CTNNA3: variants seen among roughly 807,000 people sequenced by gnomAD.
CTNNA3 encodes catenin alpha 3, also known as catenin alpha-3.
In CTNNA3, 76 loss-of-function variants were observed where a neutral mutation model predicts 95.7. The ratio of observed to expected loss-of-function variants is 0.79; its 90% CI spans 0.66 to 0.96. The LOEUF (loss-of-function observed/expected upper bound fraction) is 0.96. Ranked by LOEUF, CTNNA3 falls within the 40% of genes least tolerant of loss-of-function variation. CTNNA3 has a pLI of 0.00. For synonymous variants in CTNNA3, 431 were observed against 374.4 expected (o/e 1.15, Z -1.74); for missense variants, 1,191 against 1,089.8 (o/e 1.09, Z -1.31).
chr10:66,926,821 T>C, intron 7 of CTNNA3: 1 of 1,101,868 alleles, frequency 9.1e-7, no homozygotes, highest in African/African-American at 1.6e-5. Flanking sequence ...GTTATTTAGA[T>C]TTAAATTTTT....
intron 5 of CTNNA3, among the ~76,000 whole-genome samples, chr10:67,290,677 A>C (rs1482994915): frequency 6.6e-6 from 1 of 152,198 alleles, no homozygotes; most frequent in African/African-American, 2.4e-5. Context: ...GGATAACCAG[A>C]TCTTTGACTC....
chr10:66,411,563 T>C (rs536117824), intron 11 of CTNNA3, among the ~76,000 whole-genome samples: 2 of 152,144 alleles, frequency 1.3e-5, no homozygotes, highest in Non-Finnish European at 2.9e-5. Flanking sequence ...AGGTTTACCA[T>C]TGGATAAAGA....
At chr10:66,936,461 T>G (rs1039330989) in intron 7 of CTNNA3, among the ~76,000 whole-genome samples, 1 of 152,104 alleles carries the variant, frequency 6.6e-6, no homozygotes, top group Non-Finnish European at 1.5e-5. Flanking sequence ...TTTCCTGGTG[T>G]TTTTTTGTTT....
intron 7 of CTNNA3, among the ~76,000 whole-genome samples, chr10:66,962,422 T>TA (rs1198776183): frequency 6.6e-6 from 1 of 151,614 alleles, no homozygotes; most frequent in Non-Finnish European, 1.5e-5. Flanking sequence ...GTTTTTGTTT[T>TA]TTTTTTGAGA....
At chr10:66,455,028 C>CT (rs1053225762) in intron 11 of CTNNA3, among the ~76,000 whole-genome samples, 4 of 127,814 alleles carry the variant, frequency 3.1e-5, no homozygotes, top group Non-Finnish European at 4.9e-5. Context: ...ATAATTATTT[C>CT]TTTTTTTCAG....
At chr10:67,251,006 T>C (rs1268819367) in intron 5 of CTNNA3, among the ~76,000 whole-genome samples, 1 of 152,162 alleles carries the variant, frequency 6.6e-6, no homozygotes, top group African/African-American at 2.4e-5. Flanking sequence ...AATGAAAACA[T>C]ATGTCCACAT....
chr10:66,905,871 T>C (rs546174894), intron 7 of CTNNA3, among the ~76,000 whole-genome samples: 35 of 152,266 alleles, frequency 2.3e-4, no homozygotes, highest in Non-Finnish European at 4.1e-4. Context: ...GCTATAAAGA[T>C]TCATTTATAA....
intron 10 of CTNNA3, among the ~76,000 whole-genome samples, chr10:66,586,135 C>A (rs1843353944): frequency 2.0e-5 from 3 of 151,932 alleles, no homozygotes; most frequent in African/African-American, 7.3e-5. Context: ...TCCTAAGGGG[C>A]TGGAATGGCA....
chr10:67,035,410 T>C (rs1345431040), intron 7 of CTNNA3, among the ~76,000 whole-genome samples: 4 of 152,194 alleles, frequency 2.6e-5, no homozygotes, highest in African/African-American at 9.6e-5. Flanking sequence ...ATATGCGTTA[T>C]TTAAAGTTAA....
chr10:65,977,739 C>T (rs1421027386), intron 16 of CTNNA3, among the ~76,000 whole-genome samples: 3 of 151,830 alleles, frequency 2.0e-5, no homozygotes, highest in Non-Finnish European at 4.4e-5. Context: ...TGACATCGTG[C>T]CACTACACTC....
chr10:67,241,060 G>A (rs1365591006), intron 5 of CTNNA3, among the ~76,000 whole-genome samples: 1 of 152,192 alleles, frequency 6.6e-6, no homozygotes, highest in African/African-American at 2.4e-5. Context: ...TTCAGTGGCT[G>A]TACTTAATGC....
intron 5 of CTNNA3, among the ~76,000 whole-genome samples, chr10:67,342,795 C>T (rs771621463): frequency 3.3e-5 from 5 of 152,132 alleles, no homozygotes; most frequent in African/African-American, 4.8e-5. Context: ...TTCCATTGGC[C>T]TGTGTGTCTG....
chr10:66,205,557 A>T (rs180907681), intron 13 of CTNNA3, among the ~76,000 whole-genome samples: 1 of 152,118 alleles, frequency 6.6e-6, no homozygotes, highest in African/African-American at 2.4e-5. Context: ...TGTGAAAACT[A>T]AGACCCACCA....
At chr10:66,456,181 C>T (rs563732649) in intron 11 of CTNNA3, among the ~76,000 whole-genome samples, 14 of 152,008 alleles carry the variant, frequency 9.2e-5, no homozygotes, top group Middle Eastern at 3.4e-3. Flanking sequence ...TATAGATAAG[C>T]CAATTTGAAG....
chr10:67,442,853 G>A (rs1589294409), intron 5 of CTNNA3, among the ~76,000 whole-genome samples: 1 of 151,320 alleles, frequency 6.6e-6, no homozygotes, highest in Middle Eastern at 3.4e-3. Context: ...GTGCAGGTTA[G>A]TTACATATGT....
intron 13 of CTNNA3, among the ~76,000 whole-genome samples, chr10:66,255,035 G>A (rs556210130): frequency 4.3e-4 from 66 of 152,246 alleles, no homozygotes; most frequent in Admixed American, 1.1e-3. Flanking sequence ...ACTGTAAACC[G>A]TGCCTTGGAA....
intron 1 of CTNNA3, among the ~76,000 whole-genome samples, chr10:67,668,380 T>C (rs1840369045): frequency 6.6e-6 from 1 of 152,196 alleles, no homozygotes; most frequent in Non-Finnish European, 1.5e-5. Flanking sequence ...CCAAGACCCA[T>C]AGTGAATTCC....
intron 2 of CTNNA3, 26 bp from the exon 3 acceptor site, chr10:67,607,075 TA>T: frequency 6.5e-7 from 1 of 1,541,186 alleles, no homozygotes; most frequent in Non-Finnish European, 8.9e-7. Context: ...TACAAAGTAC[TA>T]AATTGACAAA....
intron 11 of CTNNA3, among the ~76,000 whole-genome samples, chr10:66,474,361 A>T (rs990865157): frequency 1.3e-5 from 2 of 151,954 alleles, no homozygotes; most frequent in African/African-American, 4.8e-5. Flanking sequence ...TTCATTCATG[A>T]TTTTGCAAAT....
Sources: gnomAD v4.1 joint callset for allele counts (sites outside exome capture counted in the v4.1 genomes callset) on GRCh38, gnomAD v4.1.1 for gene constraint, MANE v1.5 for transcripts, NCBI Gene and HGNC (gene_info 2026-07-23, HGNC 2026-07-21) for gene names.